The following COL5A2 variants were observed in gnomAD, a reference collection of about 807,000 sequenced individuals.
COL5A2 encodes the protein collagen alpha-2(V) chain.
A neutral mutation model predicts 208.2 loss-of-function variants in COL5A2; 23 were observed. The observed-to-expected ratio is 0.11, with a 90% CI of 0.08 to 0.16. The LOEUF is 0.16. Among genes scored for constraint, COL5A2 ranks in the 10% least tolerant of loss-of-function variants. The pLI is 1.00. For missense variants in COL5A2, 1,590 were observed against 1,956.4 expected (o/e 0.81, Z 3.53); for synonymous variants, 625 against 628.5 (o/e 0.99, Z 0.08).
intron 1 of COL5A2, among the ~76,000 whole-genome samples, chr2:189,195,034 C>G (rs1688982323): frequency 6.6e-6 from 1 of 152,188 alleles, no homozygotes; most frequent in Admixed American, 6.5e-5. Context: ...CAAATTGTCT[C>G]TGTTTGCAGA....
At position 189,200,733 on chromosome 2, in the gene COL5A2, G is replaced by C. The variant is rs368001446; in HGVS notation, c.-42+24415C>G. ...AAAGAAAATGCAGCCAGAATAAAGA[G>C]ATATAATACATAATGAGGGAAAAAG... On this transcript the variant is annotated intron_variant, in intron 1 of 10. Transcript: ENST00000649966. Among the ~76,000 whole-genome samples the C allele has an allele frequency of 3.4e-5, 5 of 148,986 alleles. No homozygotes were observed. In the East Asian group the frequency reaches 9.8e-4, roughly 29 times the overall value.
At chr2:189,350,292 C>A in the COL5A2 span, among the ~76,000 whole-genome samples, 1 of 152,038 alleles carries the variant, frequency 6.6e-6, no homozygotes, top group East Asian at 1.9e-4. Flanking sequence ...AGTACTGGAA[C>A]AAAATGAAGG....
chr2:189,393,959 CAA>C, the COL5A2 span, among the ~76,000 whole-genome samples: 1 of 152,118 alleles, frequency 6.6e-6, no homozygotes, highest in Non-Finnish European at 1.5e-5. Flanking sequence ...TCTTCTCAGC[CAA>C]AGTTTTTATG....
intron 1 of COL5A2, among the ~76,000 whole-genome samples, chr2:189,164,405 T>C (rs964862571): frequency 6.6e-6 from 1 of 152,080 alleles, no homozygotes; most frequent in African/African-American, 2.4e-5. Context: ...TATTCTTATT[T>C]TTTTTTTTAC....
chr2:189,043,864 C>G (rs1489685069), intron 47 of COL5A2, among the ~76,000 whole-genome samples: 4 of 152,150 alleles, frequency 2.6e-5, no homozygotes, highest in Non-Finnish European at 2.9e-5. Context: ...GTAACCAAAT[C>G]CAGTGATCTT....
the COL5A2 span, among the ~76,000 whole-genome samples, chr2:189,422,082 C>T: frequency 6.8e-4 from 103 of 152,128 alleles, no homozygotes; most frequent in Non-Finnish European, 1.2e-3. Flanking sequence ...TAAGTACCTA[C>T]TTCTTCACAT....
the COL5A2 span, among the ~76,000 whole-genome samples, chr2:189,377,266 A>G: frequency 6.6e-6 from 1 of 152,062 alleles, no homozygotes; most frequent in African/African-American, 2.4e-5. Flanking sequence ...TACAATTCCT[A>G]CATATTTGTT....
chr2:189,421,427 T>G, the COL5A2 span, among the ~76,000 whole-genome samples: 2 of 152,090 alleles, frequency 1.3e-5, no homozygotes. Flanking sequence ...ATAATAATAA[T>G]AAGAAAAGAC....
intron 11 of COL5A2, 70 bp from the exon 12 acceptor site, chr2:189,084,107 G>T: frequency 9.5e-7 from 1 of 1,052,622 alleles, no homozygotes; most frequent in Non-Finnish European, 1.5e-6. Context: ...GAAACTAAAT[G>T]ATAAATAAAT....
At chr2:189,124,023 T>C (rs1419417210) in intron 1 of COL5A2, among the ~76,000 whole-genome samples, 1 of 152,034 alleles carries the variant, frequency 6.6e-6, no homozygotes, top group African/African-American at 2.4e-5. Flanking sequence ...AGTGGAAAAG[T>C]GACAAATAGA....
At chr2:189,220,591 T>C (rs1395903885) in intron 1 of COL5A2, among the ~76,000 whole-genome samples, 1 of 152,202 alleles carries the variant, frequency 6.6e-6, no homozygotes, top group Admixed American at 6.5e-5. Flanking sequence ...AAATATCACT[T>C]AGATATACAT....
the COL5A2 span, among the ~76,000 whole-genome samples, chr2:189,356,987 C>T: frequency 6.6e-6 from 1 of 152,158 alleles, no homozygotes; most frequent in East Asian, 1.9e-4. Context: ...TTCTTACATG[C>T]CCCTCTGCTG....
the COL5A2 span, among the ~76,000 whole-genome samples, chr2:189,245,870 A>G: frequency 6.6e-6 from 1 of 152,208 alleles, no homozygotes; most frequent in Admixed American, 6.5e-5. Context: ...ATGTCATTAC[A>G]ACTTTTGTTT....
At chr2:189,276,000 G>A in the COL5A2 span, among the ~76,000 whole-genome samples, 1 of 152,080 alleles carries the variant, frequency 6.6e-6, no homozygotes, top group Non-Finnish European at 1.5e-5. Context: ...CCAACATCAT[G>A]TAGCAATTGA....
chr2:189,316,329 G>A, the COL5A2 span, among the ~76,000 whole-genome samples: 1 of 152,028 alleles, frequency 6.6e-6, no homozygotes, highest in Non-Finnish European at 1.5e-5. Context: ...GGAGCTGGAG[G>A]CCATTATCCT....
the COL5A2 span, among the ~76,000 whole-genome samples, chr2:189,428,966 G>A: frequency 6.6e-6 from 1 of 152,186 alleles, no homozygotes; most frequent in Middle Eastern, 3.2e-3. Context: ...TGTGGGAGTG[G>A]TTGTTAGGGA....
At chr2:189,057,555 A>G in intron 33 of COL5A2, 128 bp from the exon 34 acceptor site, 1 of 718,260 alleles carries the variant, frequency 1.4e-6, no homozygotes, top group Admixed American at 2.2e-5. Context: ...TATATTTTTC[A>G]TCTGAGAAAG....
chr2:189,233,841 A>G, the COL5A2 span, among the ~76,000 whole-genome samples: 1 of 146,860 alleles, frequency 6.8e-6, no homozygotes, highest in South Asian at 2.2e-4. Flanking sequence ...TGTGTTTCTC[A>G]TGCCATCAGG....
In COL5A2 at chr2:189,068,738, G is replaced by T; in HGVS notation, c.1257+48C>A. 3 of 1,318,296 alleles carry T rather than the reference G, an allele frequency of 2.3e-6. No homozygotes were observed. The South Asian group carries it at 3.5e-5, about 16-fold the overall frequency. 81.7% of individuals were successfully genotyped at this position (1,318,296 alleles called of 1,614,324 possible). A position where few individuals can be genotyped will look rare whatever the true frequency, so the allele number is the denominator to read the frequency against. ...GGTTGAATTTGTTCTGATGTTACAA[G>T]AAATGTCCAGCTTTCTGGGCTGGTT... On this transcript the variant is annotated intron_variant, in intron 19 of 53. Coordinates refer to ENST00000374866, the MANE Select transcript of COL5A2 (RefSeq NM_000393.5).
Sources: allele counts gnomAD v4.1 joint callset (sites outside exome capture counted in the v4.1 genomes callset), GRCh38; gene constraint gnomAD v4.1.1; transcripts MANE v1.5; gene names NCBI Gene and HGNC (gene_info 2026-07-23, HGNC 2026-07-21).